The following AK9 variants were observed in gnomAD, a reference collection of about 807,000 sequenced individuals.
AK9 encodes adenylate kinase domain containing 1.
AK9 carries 191 observed loss-of-function variants against 239.6 expected under a neutral mutation model. That is an observed-to-expected ratio of 0.80 (90% CI 0.71 to 0.90). The LOEUF (loss-of-function observed/expected upper bound fraction) is 0.90, where lower values mean the gene tolerates loss of function less well. Ranked by LOEUF, AK9 falls within the 40% of genes least tolerant of loss-of-function variation. AK9 has a pLI of 0.00. For synonymous variants in AK9, 689 were observed against 721.0 expected, an observed-to-expected ratio of 0.96 and a Z score of 0.71; for missense variants, 1,995 against 2,214.7, an observed-to-expected ratio of 0.90 and a Z score of 1.99.
chr6:109,541,108 T>C (rs1321092589), intron 27 of AK9, among the ~76,000 whole-genome samples: 4 of 152,162 alleles, frequency 2.6e-5, no homozygotes, highest in African/African-American at 9.7e-5. Context: ...ATTTCTGTAA[T>C]TCTCCCTTAG....
At position 109,493,259 on chromosome 6, in the gene AK9, A is replaced by G; in HGVS notation, c.*110T>C. Reference sequence around the variant, plus strand: ...GTCTGGCAGCCATGGTACCTTGCTCAGGAGGCAAAAGTACTTCCAAGAGGC... The same window carrying G: ...GTCTGGCAGCCATGGTACCTTGCTCGGGAGGCAAAAGTACTTCCAAGAGGC... On this transcript the variant is annotated 3_prime_UTR_variant, in exon 41 of 41. Coordinates refer to ENST00000424296, the MANE Select transcript of AK9 (RefSeq NM_001145128.3). 8.8e-7 allele frequency: 1 copy of G among 1,134,934 alleles called. No individual in the cohort carries two copies. Among genetic ancestry groups the G allele is most frequent in the Non-Finnish European group, 1.3e-6 (1 of 791,370 alleles). 70.3% of individuals were successfully genotyped at this position (1,134,934 alleles called of 1,614,324 possible).
chr6:109,575,757 A>C (rs549451464), intron 20 of AK9, among the ~76,000 whole-genome samples: 2 of 152,196 alleles, frequency 1.3e-5, no homozygotes, highest in Admixed American at 6.5e-5. Context: ...TGTCTATAAT[A>C]GTTTTTTGAT....
intron 32 of AK9, among the ~76,000 whole-genome samples, chr6:109,510,962 T>C (rs976911454): frequency 6.6e-6 from 1 of 152,226 alleles, no homozygotes. Flanking sequence ...AAAATTAAAA[T>C]TGCCCTATTT....
intron 7 of AK9, among the ~76,000 whole-genome samples, chr6:109,658,383 G>T (rs1197766372): frequency 1.3e-5 from 2 of 152,140 alleles, no homozygotes; most frequent in East Asian, 3.8e-4. Flanking sequence ...TTTTCATTCA[G>T]TGGGGCAGAC....
At position 109,681,370 on chromosome 6, in the gene AK9, G is replaced by C. The variant is rs374365221; in HGVS notation, c.-11-5614C>G. Among the ~76,000 whole-genome samples the C allele has an allele frequency of 1.9e-4, 29 of 152,292 alleles. 1 individual carries two copies. The East Asian group carries it at 5.2e-3, about 27-fold the overall frequency. ...AAGAAGGTCATTACACAGTGGTAAA[G>C]GGATCAATGCAGCAAGAAGAGCTAA... On this transcript the variant is annotated intron_variant, in intron 1 of 40. Transcript: ENST00000424296.
At chr6:109,623,043 A>T (rs1795065110) in intron 12 of AK9, among the ~76,000 whole-genome samples, 1 of 152,146 alleles carries the variant, frequency 6.6e-6, no homozygotes, top group Non-Finnish European at 1.5e-5. Flanking sequence ...TCTCTCTATC[A>T]GGGAGGTGGT....
chr6:109,550,073 T>C lies in AK9; in HGVS notation c.2964+17A>G, dbSNP rs774759600. On this transcript the variant is annotated intron_variant, in intron 25 of 40. Coordinates refer to ENST00000424296, the MANE Select transcript of AK9 (RefSeq NM_001145128.3). The stretch of plus-strand genomic sequence containing the variant: ...AATCCTGTGGGAGCAATCATTAAGA[T>C]AGGAATACTGTCTCACCTTCAATGG... The C allele has an allele frequency of 4.3e-6, 7 of 1,610,582 alleles. No homozygotes were observed. Among genetic ancestry groups the C allele is most frequent in the East Asian group, 2.2e-5 (1 of 44,822 alleles).
intron 27 of AK9, among the ~76,000 whole-genome samples, chr6:109,537,752 A>C (rs1263656315): frequency 1.3e-5 from 2 of 151,932 alleles, no homozygotes. Context: ...AGTGCTATAA[A>C]TTTCCCTCTA....
chr6:109,644,311 T>C (rs1006973419), intron 9 of AK9, among the ~76,000 whole-genome samples: 1 of 152,256 alleles, frequency 6.6e-6, no homozygotes, highest in African/African-American at 2.4e-5. Context: ...CATTGTGGTT[T>C]TGACCTGCCT....
intron 19 of AK9, among the ~76,000 whole-genome samples, chr6:109,583,020 A>C (rs1253738089): frequency 6.6e-6 from 1 of 152,198 alleles, no homozygotes; most frequent in African/African-American, 2.4e-5. Flanking sequence ...AGGTATATAC[A>C]TTTTTAGACA....
intron 17 of AK9, 74 bp downstream of exon 17, chr6:109,610,291 A>G (rs1793418344): frequency 2.1e-6 from 3 of 1,453,432 alleles, no homozygotes; most frequent in Non-Finnish European, 1.9e-6. Flanking sequence ...TAAAATAATT[A>G]CACACATATT....
At chr6:109,595,190 G>T (rs1013647489) in intron 17 of AK9, among the ~76,000 whole-genome samples, 3 of 152,162 alleles carry the variant, frequency 2.0e-5, no homozygotes, top group African/African-American at 7.2e-5. Flanking sequence ...CAAAAAGTGG[G>T]CAAAGGATAT....
At chr6:109,507,393 T>C (rs565631781) in intron 33 of AK9, among the ~76,000 whole-genome samples, 12 of 151,836 alleles carry the variant, frequency 7.9e-5, no homozygotes, top group African/African-American at 2.7e-4. Flanking sequence ...AAATGCTCTG[T>C]GAGGAGGCTG....
In AK9 at chr6:109,614,448, A is replaced by C; in HGVS notation, c.1432T>G (p.Tyr478Asp). 6.4e-7 allele frequency: 1 copy of C among 1,551,206 alleles called. No individual in the cohort carries two copies. Among genetic ancestry groups the C allele is most frequent in the Non-Finnish European group, 8.7e-7 (1 of 1,146,722 alleles). The change falls in exon 14 of 41, where the codon TAT (tyrosine) becomes GAT (aspartate). Residue 478 changes from tyrosine to aspartate, a missense_variant. Physicochemically the swap from Tyr to Asp is radical, Grantham distance 160. Around this residue, in one of 5 missense-constraint regions of AK9, gnomAD observed 1,290 missense variants for 1,392.7 expected, o/e 0.93. Transcript: ENST00000424296. ...ETALREFQRQ[Y>D]EKMEFGVFPM... ...AATACTCCAAACTCCATTTTTTCAT[A>C]TTGCCTTTGAAATTCTCTTAAAGCT... is the stretch of plus-strand genomic sequence containing the variant.
At chr6:109,522,645 C>G (rs1364201930) in intron 29 of AK9, among the ~76,000 whole-genome samples, 1 of 151,980 alleles carries the variant, frequency 6.6e-6, no homozygotes, top group African/African-American at 2.4e-5. Flanking sequence ...AAGTGAAATT[C>G]TTTTAATATT....
intron 13 of AK9, among the ~76,000 whole-genome samples, chr6:109,614,763 T>C (rs1160709508): frequency 6.6e-6 from 1 of 152,174 alleles, no homozygotes; most frequent in Non-Finnish European, 1.5e-5. Context: ...GGCTGTTCCA[T>C]GTTAGCTGCC....
chr6:109,516,442 T>C lies in AK9; in HGVS notation c.3834A>G (p.Leu1278=), dbSNP rs1562339336. ...GEKFEADTHN[L]QIIQDELERY... is the part of the protein sequence containing the mutation. Reference sequence around the variant, plus strand: ...GAAAAGTAATAACCTGTATTATTTGTAAATTATGTGTATCTGCTTCAAATT... The same window carrying C: ...GAAAAGTAATAACCTGTATTATTTGCAAATTATGTGTATCTGCTTCAAATT... Residue 1278 remains leucine (L), a synonymous_variant, in exon 30 of 41, where the codon TTA becomes TTG. Transcript: ENST00000424296. The C allele has an allele frequency of 6.4e-7, 1 of 1,550,920 alleles. No individual in the cohort carries two copies. The highest frequency in any genetic ancestry group is 8.7e-7 in the Non-Finnish European group (1 of 1,146,800).
rs1306880299 is a variant in AK9, at chr6:109,576,420, C to T, written c.2192-2826G>A. Among the ~76,000 whole-genome samples, 87 of 103,482 alleles carry T rather than the reference C, an allele frequency of 8.4e-4. 2 individuals carry two copies. Among genetic ancestry groups the T allele is most frequent in the East Asian group, 2.1e-3 (6 of 2,856 alleles). 67.9% of individuals were successfully genotyped at this position (103,482 alleles called of 152,430 possible). On this transcript the variant is annotated intron_variant, in intron 20 of 40. Transcript: ENST00000424296. ...GGTTAGGTGTATATACATATATATACTTTTTTTTTTTTTTTTTGCAGCTGT... is the reference window on the plus strand; with the variant it reads ...GGTTAGGTGTATATACATATATATATTTTTTTTTTTTTTTTTTGCAGCTGT...
intron 15 of AK9, among the ~76,000 whole-genome samples, chr6:109,612,959 ATTAT>A (rs1185599205): frequency 2.7e-5 from 4 of 148,844 alleles, no homozygotes; most frequent in Non-Finnish European, 5.9e-5. Context: ...TGTCCTTTCA[ATTAT>A]TTATATATAA....
Sources: gnomAD v4.1 joint callset for allele counts (sites outside exome capture counted in the v4.1 genomes callset) on GRCh38, gnomAD v4.1.1 for gene constraint, gnomAD v4.1.1 regional missense constraint, MANE v1.5 for transcripts, NCBI Gene and HGNC (gene_info 2026-07-23, HGNC 2026-07-21) for gene names.